The following NKAIN3 variants were observed in gnomAD, a reference collection of about 807,000 sequenced individuals.
The protein encoded by NKAIN3 is sodium/potassium-transporting ATPase subunit beta-1-interacting protein 3.
In NKAIN3, 25 loss-of-function variants were observed where a neutral mutation model predicts 30.2. That is an observed-to-expected ratio of 0.83 (90% CI 0.60 to 1.16). The LOEUF is 1.16. Among genes scored for constraint, NKAIN3 ranks in the 50% most tolerant of loss-of-function variants. The pLI is 0.00. For missense variants in NKAIN3, 225 were observed against 254.1 expected, an observed-to-expected ratio of 0.89 and a Z score of 0.78; for synonymous variants, 91 against 89.6, an observed-to-expected ratio of 1.02 and a Z score of -0.09.
At chr8:62,355,884 T>C (rs1336961668) in intron 1 of NKAIN3, among the ~76,000 whole-genome samples, 1 of 152,234 alleles carries the variant, frequency 6.6e-6, no homozygotes, top group Non-Finnish European at 1.5e-5. Flanking sequence ...TTATCTTAAA[T>C]ATAAATATAT....
intron 4 of NKAIN3, among the ~76,000 whole-genome samples, chr8:62,912,520 AC>A (rs1366360142): frequency 6.6e-6 from 1 of 152,190 alleles, no homozygotes; most frequent in Non-Finnish European, 1.5e-5. Flanking sequence ...AAACACATCG[AC>A]CTTCTGCAGC....
chr8:62,386,090 G>T (rs1817416684), intron 1 of NKAIN3, among the ~76,000 whole-genome samples: 1 of 152,142 alleles, frequency 6.6e-6, no homozygotes, highest in Non-Finnish European at 1.5e-5. Flanking sequence ...CTCCTCTCTT[G>T]CTTGCGGGTA....
chr8:62,905,725 C>T (rs765771401), intron 4 of NKAIN3, among the ~76,000 whole-genome samples: 1 of 152,120 alleles, frequency 6.6e-6, no homozygotes, highest in African/African-American at 2.4e-5. Context: ...TTAACACAGC[C>T]AATAGCCTCA....
At chr8:62,932,152 T>C (rs761876299) in intron 5 of NKAIN3, among the ~76,000 whole-genome samples, 10 of 152,234 alleles carry the variant, frequency 6.6e-5, no homozygotes, top group Non-Finnish European at 2.9e-5. Context: ...TAAAATATTG[T>C]CCTAATAAAC....
downstream of NKAIN3, among the ~76,000 whole-genome samples, chr8:62,986,903 G>A (rs1307226902): frequency 6.6e-6 from 1 of 152,088 alleles, no homozygotes; most frequent in East Asian, 1.9e-4. Context: ...CCCAACATAG[G>A]TTATCAGCCT....
intron 1 of NKAIN3, among the ~76,000 whole-genome samples, chr8:62,310,383 G>T (rs981976499): frequency 6.6e-6 from 1 of 150,540 alleles, no homozygotes; most frequent in Non-Finnish European, 1.5e-5. Flanking sequence ...AAAGGTAACT[G>T]TGTTTAAAGT....
At chr8:62,458,870 A>G (rs1371082475) in intron 1 of NKAIN3, among the ~76,000 whole-genome samples, 1 of 152,192 alleles carries the variant, frequency 6.6e-6, no homozygotes, top group Non-Finnish European at 1.5e-5. Flanking sequence ...GGCTGTAGGG[A>G]CGAGTCTATT....
chr8:62,315,172 G>T (rs1386423092), intron 1 of NKAIN3, among the ~76,000 whole-genome samples: 1 of 152,128 alleles, frequency 6.6e-6, no homozygotes, highest in Non-Finnish European at 1.5e-5. Context: ...TGGGTTAATT[G>T]TACATTATAG....
Position 62,579,658 on chromosome 8 carries a change from A to G in NKAIN3, c.174A>G (p.Arg58=). 2 of 1,527,076 alleles carry G rather than the reference A, an allele frequency of 1.3e-6. No homozygotes were observed. Among genetic ancestry groups the G allele is most frequent in the Non-Finnish European group, 8.8e-7 (1 of 1,135,220 alleles). 94.6% of individuals were successfully genotyped at this position (1,527,076 alleles called of 1,614,324 possible). Residue 58 remains arginine (R), a synonymous_variant, in exon 2 of 7, where the codon AGA becomes AGG. Coordinates refer to ENST00000623646, the MANE Select transcript of NKAIN3 (RefSeq NM_001304533.3). ...GTTTGTTTGGGACCATTCAGTACAG[A>G]CCTCGATACATAATGGTGGTAAGTC... ...ILGLFGTIQY[R]PRYIMVYTVW...
chr8:62,899,890 A>G (rs373261836), intron 4 of NKAIN3, among the ~76,000 whole-genome samples: 3 of 152,094 alleles, frequency 2.0e-5, no homozygotes, highest in East Asian at 3.9e-4. Flanking sequence ...CCACAAAGAG[A>G]TATAAAATAA....
At chr8:62,319,662 T>G (rs890166054) in intron 1 of NKAIN3, among the ~76,000 whole-genome samples, 1 of 152,236 alleles carries the variant, frequency 6.6e-6, no homozygotes, top group African/African-American at 2.4e-5. Context: ...TTCTGAATCC[T>G]GAGTTCTAGT....
intron 4 of NKAIN3, among the ~76,000 whole-genome samples, chr8:62,899,019 A>G (rs573726191): frequency 6.6e-6 from 1 of 152,312 alleles, no homozygotes; most frequent in East Asian, 1.9e-4. Flanking sequence ...GCAAATCAAA[A>G]CTACAGTGGA....
intron 1 of NKAIN3, among the ~76,000 whole-genome samples, chr8:62,456,578 C>T (rs935162736): frequency 6.6e-6 from 1 of 151,894 alleles, no homozygotes; most frequent in African/African-American, 2.4e-5. Flanking sequence ...GGCCCTTTTC[C>T]TGATATGTAT....
At chr8:62,939,217 G>GA (rs1208596482) in intron 5 of NKAIN3, among the ~76,000 whole-genome samples, 8 of 151,984 alleles carry the variant, frequency 5.3e-5, no homozygotes. Flanking sequence ...AAAAAAATCA[G>GA]AAAAAAATGA....
At chr8:62,630,970 A>G (rs981852626) in intron 3 of NKAIN3, among the ~76,000 whole-genome samples, 1 of 152,114 alleles carries the variant, frequency 6.6e-6, no homozygotes, top group African/African-American at 2.4e-5. Flanking sequence ...TCTATCAGCC[A>G]AGTTTCTGGA....
intron 1 of NKAIN3, among the ~76,000 whole-genome samples, chr8:62,473,718 G>A (rs1806427846): frequency 6.6e-6 from 1 of 152,124 alleles, no homozygotes; most frequent in East Asian, 1.9e-4. Flanking sequence ...TATACATTAT[G>A]TGGCAATTTT....
intron 4 of NKAIN3, among the ~76,000 whole-genome samples, chr8:62,826,158 T>G (rs1159095355): frequency 1.3e-5 from 2 of 152,208 alleles, no homozygotes; most frequent in Non-Finnish European, 2.9e-5. Flanking sequence ...CTATGTTATC[T>G]TAGCCTCATT....
rs943796339 is a variant in NKAIN3, at chr8:62,923,324, CA to C, written c.532+4821del. ...TGGCTGACAGAGGGAGACGCTGTCT[CA>C]AAAAAAAAATAAGAAAAAGAAATAT... On this transcript the variant is annotated intron_variant, in intron 5 of 6. Transcript: ENST00000623646. 1.0e-4 allele frequency among the ~76,000 whole-genome samples: 15 copies of C among 144,250 alleles called. No individual in the cohort carries two copies. The East Asian group carries it at 1.2e-3, about 12-fold the overall frequency. 94.6% of individuals were successfully genotyped at this position (144,250 alleles called of 152,430 possible).
chr8:62,954,753 C>A (rs189194122), intron 6 of NKAIN3, among the ~76,000 whole-genome samples: 42 of 152,242 alleles, frequency 2.8e-4, no homozygotes, highest in Middle Eastern at 6.8e-3. Context: ...CTCACTAAAT[C>A]TTCATGAAAA....
Sources: allele counts gnomAD v4.1 joint callset (sites outside exome capture counted in the v4.1 genomes callset), GRCh38; gene constraint gnomAD v4.1.1; transcripts MANE v1.5; gene names NCBI Gene and HGNC (gene_info 2026-07-23, HGNC 2026-07-21).